The following CMPK1 variants were observed in gnomAD, a reference collection of about 807,000 sequenced individuals.
The protein encoded by CMPK1 is cytidine/uridine monophosphate kinase 1, also known as UMP-CMP kinase.
Under a neutral mutation model 25.7 loss-of-function variants are expected in CMPK1, and 10 were observed. The ratio of observed to expected loss-of-function variants is 0.39; its 90% CI spans 0.24 to 0.66. CMPK1 has a LOEUF of 0.66. CMPK1 is among the 30% of genes least tolerant of loss of function. The pLI, the probability that CMPK1 is intolerant of heterozygous loss-of-function variation, is 0.48. For missense variants in CMPK1, 199 were observed against 280.5 expected, an observed-to-expected ratio of 0.71 and a Z score of 2.08; for synonymous variants, 106 against 101.5, an observed-to-expected ratio of 1.04 and a Z score of -0.27.
chr1:47,340,672 G>C (rs3125639), intron 1 of CMPK1, among the ~76,000 whole-genome samples: 89,015 of 151,690 alleles, frequency 0.59, 28,232 homozygotes, highest in African/African-American at 0.84. Context: ...GGCAGAGTTT[G>C]AGTTGCCCAG....
intron 1 of CMPK1, among the ~76,000 whole-genome samples, chr1:47,355,310 T>G (rs146501361): frequency 2.7e-5 from 4 of 148,374 alleles, no homozygotes; most frequent in Non-Finnish European, 5.9e-5. Context: ...CCTCCCAAAG[T>G]GCTGAGATTA....
intron 1 of CMPK1, among the ~76,000 whole-genome samples, chr1:47,355,643 G>C (rs34979288): frequency 0.25 from 38,003 of 150,164 alleles, 5,093 homozygotes; most frequent in Non-Finnish European, 0.31. Flanking sequence ...GTCTCGCTCT[G>C]TTGCCCAGGC....
chr1:47,373,481 T>C (rs2149334936), intron 3 of CMPK1: 1 of 155,726 alleles, frequency 6.4e-6, no homozygotes, highest in East Asian at 1.9e-4. Context: ...TTCTGAGAAG[T>C]TGGGAAAACT....
At chr1:47,370,782 C>CAAAAAAAA (rs60407679) in intron 2 of CMPK1, among the ~76,000 whole-genome samples, 1 of 116,422 alleles carries the variant, frequency 8.6e-6, no homozygotes, top group Non-Finnish European at 1.7e-5. Flanking sequence ...ACTAAAAATA[C>CAAAAAAAA]AAAAAAAAAA....
chr1:47,372,891 A>G, intron 2 of CMPK1, 64 bp from the exon 3 acceptor site: 1 of 1,370,494 alleles, frequency 7.3e-7, no homozygotes, highest in Non-Finnish European at 9.9e-7. Flanking sequence ...TGTATACACT[A>G]CCATGCTTGA....
At chr1:47,364,342 C>G (rs1403382140) in intron 1 of CMPK1, among the ~76,000 whole-genome samples, 2 of 151,936 alleles carry the variant, frequency 1.3e-5, no homozygotes, top group East Asian at 3.9e-4. Flanking sequence ...TTGTTTGAGA[C>G]AGTCTTGCTC....
chr1:47,354,911 GA>G (rs1232487872), intron 1 of CMPK1, among the ~76,000 whole-genome samples: 1 of 152,018 alleles, frequency 6.6e-6, no homozygotes, highest in Admixed American at 6.6e-5. Context: ...AGACTGAACT[GA>G]TTTATACTTC....
intron 1 of CMPK1, among the ~76,000 whole-genome samples, chr1:47,334,365 T>TA (rs1195066324): frequency 6.6e-6 from 1 of 152,104 alleles, no homozygotes; most frequent in Non-Finnish European, 1.5e-5. Context: ...CTTCTTTTCT[T>TA]ACATTTTGGG....
At chr1:47,341,695 A>G (rs1440768919) in intron 1 of CMPK1, among the ~76,000 whole-genome samples, 2 of 150,944 alleles carry the variant, frequency 1.3e-5, no homozygotes, top group African/African-American at 2.4e-5. Context: ...TTGGAGTGCA[A>G]TGGTGTGATC....
chr1:47,366,691 G>C (rs1047050951), intron 1 of CMPK1, among the ~76,000 whole-genome samples: 1 of 151,508 alleles, frequency 6.6e-6, no homozygotes, highest in Non-Finnish European at 1.5e-5. Flanking sequence ...TTGCAGGTAA[G>C]GTTGTTTTTT....
intron 1 of CMPK1, among the ~76,000 whole-genome samples, chr1:47,345,536 C>G (rs1022433730): frequency 1.3e-5 from 2 of 150,994 alleles, no homozygotes; most frequent in Non-Finnish European, 2.9e-5. Flanking sequence ...CTCTGTTGCC[C>G]AGGCTGGAGT....
intron 1 of CMPK1, among the ~76,000 whole-genome samples, chr1:47,365,818 A>G (rs1474703932): frequency 6.6e-6 from 1 of 152,112 alleles, no homozygotes; most frequent in Non-Finnish European, 1.5e-5. Context: ...ATTGTTTTTC[A>G]ACTTCTTAAA....
chr1:47,376,829 A>G lies in CMPK1; in HGVS notation c.*84A>G, dbSNP rs543090281. The G allele has an allele frequency of 9.4e-6, 7 of 743,706 alleles. No individual in the cohort carries two copies. Among genetic ancestry groups the G allele is most frequent in the East Asian group, 2.7e-5 (1 of 37,624 alleles). 46.1% of individuals were successfully genotyped at this position (743,706 alleles called of 1,614,324 possible). On this transcript the variant is annotated 3_prime_UTR_variant, in exon 6 of 6. Transcript: ENST00000371873. Reference sequence around the variant, plus strand: ...CATGACCCCTTTTTAAGGCAATTCTAATCTTTCATAACTACATCTCAATTA... The same window carrying G: ...CATGACCCCTTTTTAAGGCAATTCTGATCTTTCATAACTACATCTCAATTA...
intron 1 of CMPK1, among the ~76,000 whole-genome samples, chr1:47,352,279 GCTGT>G (rs1296290137): frequency 6.6e-6 from 1 of 152,110 alleles, no homozygotes; most frequent in Non-Finnish European, 1.5e-5. Context: ...CATCCTGTGG[GCTGT>G]CTTTTATTTT....
intron 1 of CMPK1, among the ~76,000 whole-genome samples, chr1:47,362,839 T>C (rs1241021027): frequency 1.3e-5 from 2 of 152,182 alleles, no homozygotes; most frequent in African/African-American, 2.4e-5. Flanking sequence ...CACTAGCAAT[T>C]TAAGTCAGAT....
At chr1:47,336,452 C>T (rs775693339) in intron 1 of CMPK1, among the ~76,000 whole-genome samples, 47 of 152,100 alleles carry the variant, frequency 3.1e-4, no homozygotes, top group Non-Finnish European at 6.2e-4. Flanking sequence ...CCACTTTAAA[C>T]TTCTGATCTT....
chr1:47,367,891 A>G (rs572750415), intron 1 of CMPK1, among the ~76,000 whole-genome samples: 1 of 152,222 alleles, frequency 6.6e-6, no homozygotes, highest in African/African-American at 2.4e-5. Flanking sequence ...CATCAGCCTT[A>G]CAAGTAGCTA....
intron 1 of CMPK1, among the ~76,000 whole-genome samples, chr1:47,334,806 C>A (rs116403805): frequency 0.01 from 1,580 of 152,334 alleles, 36 homozygotes; most frequent in African/African-American, 0.037. Flanking sequence ...TGCCAACTCA[C>A]GCTCGGCCCT....
At chr1:47,339,380 T>G (rs1206934728) in intron 1 of CMPK1, among the ~76,000 whole-genome samples, 1 of 152,200 alleles carries the variant, frequency 6.6e-6, no homozygotes, top group Non-Finnish European at 1.5e-5. Context: ...TTACTTTGCC[T>G]GGCCATCCTA....
Sources: gnomAD v4.1 joint callset for allele counts (sites outside exome capture counted in the v4.1 genomes callset) on GRCh38, gnomAD v4.1.1 for gene constraint, MANE v1.5 for transcripts, NCBI Gene and HGNC (gene_info 2026-07-23, HGNC 2026-07-21) for gene names.